HS6ST3: variants seen among roughly 807,000 people sequenced by gnomAD.
HS6ST3 encodes heparan-sulfate 6-O-sulfotransferase 3.
In HS6ST3, 12 loss-of-function variants were observed where a neutral mutation model predicts 36.7. That is an observed-to-expected ratio of 0.33 (90% CI 0.21 to 0.53). HS6ST3 has a LOEUF of 0.53. Among genes scored for constraint, HS6ST3 ranks in the 20% least tolerant of loss-of-function variants. The pLI, the probability that HS6ST3 is intolerant of heterozygous loss-of-function variation, is 0.95. For missense variants in HS6ST3, 584 were observed against 640.9 expected, an observed-to-expected ratio of 0.91 and a Z score of 0.96; for synonymous variants, 240 against 257.5, an observed-to-expected ratio of 0.93 and a Z score of 0.65.
At chr13:96,147,503 G>C (rs901681560) in intron 1 of HS6ST3, among the ~76,000 whole-genome samples, 3 of 152,188 alleles carry the variant, frequency 2.0e-5, no homozygotes, top group African/African-American at 7.2e-5. Flanking sequence ...TTCCTGGCTG[G>C]GGCCACTGTC....
At chr13:96,223,659 G>GC (rs1196644045) in intron 1 of HS6ST3, among the ~76,000 whole-genome samples, 1 of 151,962 alleles carries the variant, frequency 6.6e-6, no homozygotes, top group Non-Finnish European at 1.5e-5. Context: ...GATATGGGGG[G>GC]GGGGAAGTTT....
At chr13:96,394,377 A>C (rs1033551433) in intron 1 of HS6ST3, among the ~76,000 whole-genome samples, 1 of 151,916 alleles carries the variant, frequency 6.6e-6, no homozygotes, top group Non-Finnish European at 1.5e-5. Flanking sequence ...ACGTCTTGAG[A>C]TAAGGGATAA....
intron 1 of HS6ST3, among the ~76,000 whole-genome samples, chr13:96,318,535 AAAAACAAAAC>A (rs3084992): frequency 3.0e-4 from 45 of 150,538 alleles, no homozygotes; most frequent in East Asian, 1.6e-3. Flanking sequence ...TCCTTCTCAA[AAAAACAAAAC>A]AAAACAAAAC....
intron 1 of HS6ST3, among the ~76,000 whole-genome samples, chr13:96,598,578 G>T (rs1324176933): frequency 2.6e-5 from 4 of 152,118 alleles, no homozygotes; most frequent in African/African-American, 9.6e-5. Flanking sequence ...TCTTTTGGAA[G>T]AGTCTTTAGG....
chr13:96,583,236 C>T (rs2784794), intron 1 of HS6ST3, among the ~76,000 whole-genome samples: 33,220 of 70,860 alleles, frequency 0.47, 6,474 homozygotes, highest in East Asian at 0.69. Context: ...TTTTTTGAGA[C>T]GGAGTCTTGC....
At chr13:96,587,255 T>G (rs1424084891) in intron 1 of HS6ST3, among the ~76,000 whole-genome samples, 1 of 152,168 alleles carries the variant, frequency 6.6e-6, no homozygotes, top group African/African-American at 2.4e-5. Flanking sequence ...TTATTTTTTT[T>G]GCTCAACATT....
At chr13:96,665,200 C>T (rs1421710464) in intron 1 of HS6ST3, among the ~76,000 whole-genome samples, 4 of 151,926 alleles carry the variant, frequency 2.6e-5, no homozygotes, top group Admixed American at 2.6e-4. Flanking sequence ...ATAAACAAGG[C>T]CAAAAAGAAG....
chr13:96,597,039 G>T (rs2056404212), intron 1 of HS6ST3, among the ~76,000 whole-genome samples: 1 of 152,058 alleles, frequency 6.6e-6, no homozygotes, highest in African/African-American at 2.4e-5. Flanking sequence ...TTCTTTGGAG[G>T]GACATGGATA....
chr13:96,349,502 G>A lies in HS6ST3; in HGVS notation c.707+257933G>A, dbSNP rs1281050126. The stretch of plus-strand genomic sequence containing the variant: ...AATAGAATGTCACAACACCTTCTGA[G>A]AAAGGAAACATCCAGGGATATAATA... On this transcript the variant is annotated intron_variant, in intron 1 of 1. Coordinates refer to ENST00000376705, the MANE Select transcript of HS6ST3 (RefSeq NM_153456.4). Among the ~76,000 whole-genome samples, 4 of 152,130 alleles carry A rather than the reference G, an allele frequency of 2.6e-5. No homozygotes were observed. The East Asian group carries it at 7.7e-4, about 29-fold the overall frequency.
At chr13:96,545,965 C>G (rs1199389627) in intron 1 of HS6ST3, among the ~76,000 whole-genome samples, 3 of 152,104 alleles carry the variant, frequency 2.0e-5, no homozygotes, top group Admixed American at 6.6e-5. Flanking sequence ...AGCACAGTGC[C>G]TGGCACATAG....
intron 1 of HS6ST3, among the ~76,000 whole-genome samples, chr13:96,182,526 G>T (rs564988628): frequency 2.1e-4 from 32 of 152,248 alleles, no homozygotes; most frequent in African/African-American, 7.2e-4. Context: ...TAATGAAGAG[G>T]AGTATTGATT....
chr13:96,135,365 C>T (rs1272791620), intron 1 of HS6ST3, among the ~76,000 whole-genome samples: 4 of 152,102 alleles, frequency 2.6e-5, no homozygotes, highest in Admixed American at 6.6e-5. Flanking sequence ...GGTAAGAACA[C>T]ACAGTGAATC....
intron 1 of HS6ST3, among the ~76,000 whole-genome samples, chr13:96,219,282 G>A (rs1487005328): frequency 2.0e-5 from 3 of 151,972 alleles, no homozygotes; most frequent in Admixed American, 6.6e-5. Flanking sequence ...TTGCTATATC[G>A]AGCTAACATG....
intron 1 of HS6ST3, among the ~76,000 whole-genome samples, chr13:96,606,594 A>AGAGGGAGGGAGGGAGGGAGG (rs757536053): frequency 1.3e-5 from 1 of 74,510 alleles, no homozygotes. Flanking sequence ...AGGGAGGGAC[A>AGAGGGAGGGAGGGAGGGAGG]GAGGGAGGGA....
intron 1 of HS6ST3, among the ~76,000 whole-genome samples, chr13:96,327,658 T>G (rs1479080468): frequency 6.6e-6 from 1 of 151,722 alleles, no homozygotes; most frequent in Non-Finnish European, 1.5e-5. Context: ...GACTTGGCGA[T>G]GCGGGCTCTT....
intron 1 of HS6ST3, among the ~76,000 whole-genome samples, chr13:96,285,210 C>A (rs564587307): frequency 8.5e-5 from 13 of 152,254 alleles, no homozygotes; most frequent in Non-Finnish European, 1.5e-4. Context: ...GCTGAAAGAT[C>A]TACAACTCTG....
intron 1 of HS6ST3, among the ~76,000 whole-genome samples, chr13:96,754,540 C>CT (rs1876777497): frequency 6.6e-6 from 1 of 152,210 alleles, no homozygotes; most frequent in African/African-American, 2.4e-5. Context: ...TGACATCCCT[C>CT]TTTTTCTATC....
chr13:96,380,347 C>T (rs1448724985), intron 1 of HS6ST3, among the ~76,000 whole-genome samples: 2 of 151,626 alleles, frequency 1.3e-5, no homozygotes, highest in Admixed American at 6.6e-5. Flanking sequence ...CTCATTGCTA[C>T]CTCTGCCTCC....
chr13:96,799,427 T>C (rs1877987707), intron 1 of HS6ST3, among the ~76,000 whole-genome samples: 1 of 152,076 alleles, frequency 6.6e-6, no homozygotes, highest in South Asian at 2.1e-4. Flanking sequence ...GTGGCACACA[T>C]ACACCATGGA....
Sources: gnomAD v4.1 joint callset for allele counts (sites outside exome capture counted in the v4.1 genomes callset) on GRCh38, gnomAD v4.1.1 for gene constraint, MANE v1.5 for transcripts, NCBI Gene and HGNC (gene_info 2026-07-23, HGNC 2026-07-21) for gene names.